Variants in LTBR observed in about 807,000 individuals in gnomAD.
The protein encoded by LTBR is tumor necrosis factor receptor superfamily member 3.
LTBR carries 15 observed loss-of-function variants against 45.4 expected under a neutral mutation model. The ratio of observed to expected loss-of-function variants is 0.33; its 90% confidence interval spans 0.22 to 0.51. LTBR has a LOEUF of 0.51. Among genes scored for constraint, LTBR ranks in the 20% least tolerant of loss-of-function variants. The pLI is 0.97. For missense variants in LTBR, 450 were observed against 565.5 expected, an observed-to-expected ratio of 0.80 and a Z score of 2.07; for synonymous variants, 228 against 231.0, an observed-to-expected ratio of 0.99 and a Z score of 0.12.
chr12:6,390,736 G>A lies in LTBR; in HGVS notation c.1107G>A (p.Leu369=). The change falls in exon 10 of 10, where the codon CTG becomes CTA. Residue 369 remains leucine (L), a synonymous_variant. Transcript: ENST00000228918. ...GNIYIYNGPV[L]GGPPGPGDLP... ...TCTACATCTACAATGGACCAGTACT[G>A]GGGGGACCACCGGGTCCTGGAGACC... The A allele has an allele frequency of 1.3e-6, 2 of 1,554,964 alleles. No homozygotes were observed. The highest frequency in any genetic ancestry group is 1.3e-5 in the South Asian group (1 of 79,608).
chr12:6,381,654 G>A (rs1414455638), upstream of LTBR, among the ~76,000 whole-genome samples: 1 of 152,210 alleles, frequency 6.6e-6, no homozygotes, highest in African/African-American at 2.4e-5. Context: ...GACTGGGAAG[G>A]GCATGTAGCA....
intron 1 of LTBR, chr12:6,375,693 C>A: frequency 1.4e-6 from 2 of 1,441,470 alleles, no homozygotes; most frequent in African/African-American, 2.9e-5. Context: ...AGTACTGGAC[C>A]TGAGAAGGCG....
Position 6,390,337 on chromosome 12 carries a change from C to A in LTBR, c.1027C>A (p.His343Asn). ...LEPGEQSQVA[H>N]GTNGIHVTGG... ...ACCCGGGGAGCAGAGCCAGGTGGCC[C>A]ACGGTGAGCCTGGGGCAGGGAGAAG... Residue 343 changes from histidine (H) to asparagine (N), a missense_variant, in exon 9 of 10, where the codon CAC (histidine) becomes AAC (asparagine). His to Asn is a moderately conservative substitution (Grantham distance 68). Around this residue, in one of 3 missense-constraint regions of LTBR, gnomAD observed 12 missense variants for 39.7 expected, o/e 0.30. Transcript: ENST00000228918. 2 of 1,594,758 alleles carry A rather than the reference C, an allele frequency of 1.3e-6. No individual in the cohort carries two copies. The highest frequency in any genetic ancestry group is 1.7e-6 in the Non-Finnish European group (2 of 1,168,686).
At chr12:6,382,540 A>G (rs1948994834), upstream of LTBR, among the ~76,000 whole-genome samples, 1 of 152,218 alleles carries the variant, frequency 6.6e-6, no homozygotes, top group South Asian at 2.1e-4. Flanking sequence ...GGGCCCTGGA[A>G]GGCTCAGCAG....
Position 6,384,439 on chromosome 12 carries a change from A to G in LTBR, c.81A>G (p.Ala27=). The part of the protein sequence containing the change: ...LVLGLFGLLA[A]SQPQAVPPYA... ...TGGGCCTCTTCGGGCTCCTGGCAGC[A>G]TCGCAGCCCCAGGCGGTGAGGAAGG... is the stretch of plus-strand genomic sequence containing the variant. Residue 27 remains alanine, a synonymous_variant, in exon 1 of 10, where the codon GCA becomes GCG. Transcript: ENST00000228918. 6.4e-7 allele frequency: 1 copy of G among 1,551,226 alleles called. No individual in the cohort carries two copies. The highest frequency in any genetic ancestry group is 1.2e-5 in the South Asian group (1 of 84,786).
chr12:6,377,704 C>A, intron 1 of LTBR: 3 of 1,292,720 alleles, frequency 2.3e-6, no homozygotes, highest in Non-Finnish European at 1.0e-6. Context: ...GTGCTCAGCA[C>A]CCTGGCTGTT....
Position 6,388,461 on chromosome 12 carries a change from TCTC to T in LTBR, c.734_736del (p.Ser245del), listed in dbSNP as rs1565495343. 2 of 1,614,062 alleles carry T rather than the reference TCTC, an allele frequency of 1.2e-6. No individual in the cohort carries two copies. The highest frequency in any genetic ancestry group is 2.2e-5 in the East Asian group (1 of 44,872). ...TTCTTTCTGCTCCTTGCCACCGTCT[TCTC>T]CTGCATCTGGAAGAGCCACCCTTCT... is the stretch of plus-strand genomic sequence containing the variant. On this transcript the variant is annotated inframe_deletion, in exon 7 of 10. Coordinates refer to ENST00000228918, the MANE Select transcript of LTBR (RefSeq NM_002342.3). The surrounding 1 kb of genome is among the most constrained non-coding windows in gnomAD (Gnocchi z 4.3).
Position 6,386,110 on chromosome 12 carries a change from G to A in LTBR, c.517G>A (p.Gly173Arg). Residue 173 changes from glycine to arginine, a missense_variant, in exon 5 of 10, where the codon GGG becomes AGG. By Grantham distance (125) the Gly-to-Arg change is moderately radical. This residue lies in a region of LTBR where 367 missense variants were observed against 435.4 expected (regional missense o/e 0.84). Coordinates refer to ENST00000228918, the MANE Select transcript of LTBR (RefSeq NM_002342.3). This position sits in a 1 kb window ranked among gnomAD's most constrained non-coding sequence, Gnocchi z 4.1. ...CAACCACTGCGTCCCCTGCAAGGCC[G>A]GGCACTTCCAGAATACCTCCTCCCC... is the stretch of plus-strand genomic sequence containing the variant. ...GNNHCVPCKA[G>R]HFQNTSSPSA... 4 of 1,613,966 alleles carry A rather than the reference G, an allele frequency of 2.5e-6. No individual in the cohort carries two copies. Among genetic ancestry groups the A allele is most frequent in the Non-Finnish European group, 3.4e-6 (4 of 1,179,936 alleles).
chr12:6,375,791 A>G, intron 1 of LTBR: 1 of 1,389,398 alleles, frequency 7.2e-7, no homozygotes, highest in Non-Finnish European at 9.3e-7. Flanking sequence ...AACAAGTAGA[A>G]GGATCCTGAG....
chr12:6,375,192 G>A (rs1592090123), upstream of LTBR: 6 of 1,450,444 alleles, frequency 4.1e-6, no homozygotes, highest in South Asian at 8.7e-5. Context: ...CTCAGCTCCT[G>A]CCTCTCACTC....
At position 6,388,525 on chromosome 12, in the gene LTBR, A is replaced by G. The variant is rs1949074888; in HGVS notation, c.775+20A>G. 1.2e-6 allele frequency: 2 copies of G among 1,603,918 alleles called. No individual in the cohort carries two copies. The highest frequency in any genetic ancestry group is 1.7e-6 in the Non-Finnish European group (2 of 1,170,930). ...AACTGGGTAGGAAAGGGTTGGATGC[A>G]GTGGATGGTTGGCAATGGGAGCCGG... On this transcript the variant is annotated intron_variant, in intron 7 of 9. Transcript: ENST00000228918. This position sits in a 1 kb window ranked among gnomAD's most constrained non-coding sequence, Gnocchi z 4.3.
chr12:6,384,298 T>C lies in LTBR; in HGVS notation c.-61T>C. The C allele has an allele frequency of 1.4e-6, 2 of 1,432,532 alleles. No homozygotes were observed. Among genetic ancestry groups the C allele is most frequent in the Non-Finnish European group, 1.8e-6 (2 of 1,098,448 alleles). 88.7% of individuals were successfully genotyped at this position (1,432,532 alleles called of 1,614,324 possible). A position where few individuals can be genotyped will look rare whatever the true frequency, so the allele number is the denominator to read the frequency against. ...GCCGCCGCCACCGCTGCCCAGGACG[T>C]CGGGCCTCCTGCCTTCCTCCCAGGC... On this transcript the variant is annotated 5_prime_UTR_variant, in exon 1 of 10. Transcript: ENST00000228918.
chr12:6,386,477 G>GGA lies in LTBR; in HGVS notation c.667+33_667+34insGA, dbSNP rs34137817. ...ACCAGGGCTGAGGGACACGGGGGGG[G>GGA]CGCCTCTGAAAATGCCTTAATGCTC... On this transcript the variant is annotated intron_variant, in intron 6 of 9. Coordinates refer to ENST00000228918, the MANE Select transcript of LTBR (RefSeq NM_002342.3). The surrounding 1 kb of genome is among the most constrained non-coding windows in gnomAD (Gnocchi z 4.1). 2 of 1,562,948 alleles carry GGA rather than the reference G, an allele frequency of 1.3e-6. No homozygotes were observed. The highest frequency in any genetic ancestry group is 3.4e-5 in the Admixed American group (2 of 59,152).
In LTBR at chr12:6,386,162, G is replaced by A. The variant is rs1949044360; in HGVS notation, c.569G>A (p.Arg190Lys). The change falls in exon 5 of 10, where the codon AGG (arginine) becomes AAG (lysine). Residue 190 changes from arginine to lysine, a missense_variant and splice_region_variant. Arg to Lys is a conservative substitution (Grantham distance 26). Transcript: ENST00000228918. This position sits in a 1 kb window ranked among gnomAD's most constrained non-coding sequence, Gnocchi z 4.1. ...AGCGCCCGCTGCCAGCCCCACACCAGGTGAGTGCAGCCCCACCCAAGCTCC... is the reference window on the plus strand; with the variant it reads ...AGCGCCCGCTGCCAGCCCCACACCAAGTGAGTGCAGCCCCACCCAAGCTCC... ...SPSARCQPHT[R>K]CENQGLVEAA... 6.2e-7 allele frequency: 1 copy of A among 1,611,592 alleles called. No individual in the cohort carries two copies. Among genetic ancestry groups the A allele is most frequent in the Non-Finnish European group, 8.5e-7 (1 of 1,177,930 alleles).
chr12:6,387,909 A>G (rs1439921943), intron 6 of LTBR: 12 of 450,618 alleles, frequency 2.7e-5, no homozygotes, highest in Non-Finnish European at 5.4e-5. Flanking sequence ...ACACCCCCAC[A>G]GGTACAGGTA....
At chr12:6,387,828 T>C in intron 6 of LTBR, 1 of 455,030 alleles carries the variant, frequency 2.2e-6, no homozygotes, top group Non-Finnish European at 4.4e-6. Flanking sequence ...GTGGAGAACT[T>C]GCAAGCCCTG....
chr12:6,383,947 C>A (rs974916151), upstream of LTBR: 5 of 973,250 alleles, frequency 5.1e-6, no homozygotes, highest in African/African-American at 1.7e-5. Context: ...CTTCCCTCGG[C>A]TGGGCCAGGG....
chr12:6,387,713 T>G, intron 6 of LTBR: 1 of 320,142 alleles, frequency 3.1e-6, no homozygotes, highest in Non-Finnish European at 6.4e-6. Flanking sequence ...GCAGCACTGG[T>G]ACCCAGAGAA....
chr12:6,382,980 C>T (rs929122674), upstream of LTBR, among the ~76,000 whole-genome samples: 4 of 152,196 alleles, frequency 2.6e-5, no homozygotes, highest in Non-Finnish European at 4.4e-5. Flanking sequence ...ATGTGGCCAT[C>T]ACTCATTTAT....
Sources: gnomAD v4.1 joint callset for allele counts (sites outside exome capture counted in the v4.1 genomes callset) on GRCh38, gnomAD v4.1.1 for gene constraint, gnomAD v4.1.1 regional missense constraint, Gnocchi (gnomAD v3.1) non-coding constraint, MANE v1.5 for transcripts, NCBI Gene and HGNC (gene_info 2026-07-23, HGNC 2026-07-21) for gene names.